Variants in SPG7 observed in about 807,000 individuals in gnomAD.
The protein encoded by SPG7 is SPG7 matrix AAA peptidase subunit, paraplegin.
SPG7 carries 103 observed loss-of-function variants against 81.9 expected under a neutral mutation model. The observed-to-expected ratio is 1.26, with a 90% CI of 1.07 to 1.48. The LOEUF (loss-of-function observed/expected upper bound fraction) is 1.48. Ranked by LOEUF, SPG7 falls within the 40% of genes most tolerant of loss-of-function variation. SPG7 has a pLI of 0.00. For synonymous variants in SPG7, 534 were observed against 444.2 expected, an observed-to-expected ratio of 1.20 and a Z score of -2.54; for missense variants, 1,241 against 1,087.3, an observed-to-expected ratio of 1.14 and a Z score of -1.99.
At chr16:89,549,888 A>C (rs543507019) in intron 12 of SPG7, 1 of 173,406 alleles carries the variant, frequency 5.8e-6, no homozygotes, top group East Asian at 1.5e-4. Flanking sequence ...ACCCTGTGGC[A>C]CCCCCCCAAC....
intron 3 of SPG7, chr16:89,517,555 T>G (rs933506501): frequency 1.3e-5 from 2 of 151,778 alleles, no homozygotes; most frequent in Non-Finnish European, 2.9e-5. Context: ...CATCTGCTTA[T>G]GGATGAGGCT....
chr16:89,515,023 G>A (rs1192417293), intron 3 of SPG7, among the ~76,000 whole-genome samples: 9 of 144,320 alleles, frequency 6.2e-5, no homozygotes, highest in Non-Finnish European at 1.1e-4. Context: ...TGCAAGCTCC[G>A]TCTCCCAGGT....
At chr16:89,511,205 G>C (rs191149913) in intron 2 of SPG7, among the ~76,000 whole-genome samples, 2 of 152,094 alleles carry the variant, frequency 1.3e-5, no homozygotes, top group African/African-American at 2.4e-5. Flanking sequence ...AAGGTTTTTC[G>C]TGTTATCTAG....
intron 1 of SPG7, among the ~76,000 whole-genome samples, chr16:89,509,645 A>G (rs1489843481): frequency 6.6e-6 from 1 of 152,200 alleles, no homozygotes; most frequent in Admixed American, 6.5e-5. Context: ...ATGTTCTACA[A>G]GGAGCCACTC....
Position 89,532,477 on chromosome 16 carries a change from C to A in SPG7, c.1165C>A (p.Arg389Ser), listed in dbSNP as rs748685625. The change falls in exon 9 of 17, where the codon CGT becomes AGT. Residue 389 changes from arginine (R) to serine (S), a missense_variant. Coordinates refer to ENST00000645818, the MANE Select transcript of SPG7 (RefSeq NM_003119.4). Reference protein sequence around the residue: ...VEVIGGLGAARVRSLFKEARA... With the variant: ...VEVIGGLGAASVRSLFKEARA... The stretch of plus-strand genomic sequence containing the variant: ...TGTCCCCTCAGGCCTCGGCGCTGCC[C>A]GTGTGCGGAGCCTCTTTAAGGAAGC... The A allele has an allele frequency of 6.2e-7, 1 of 1,613,370 alleles. No individual in the cohort carries two copies.
intron 3 of SPG7, chr16:89,521,723 C>T (rs1445137448): frequency 6.6e-6 from 1 of 152,172 alleles, no homozygotes; most frequent in Non-Finnish European, 1.5e-5. Flanking sequence ...GTGGGTTTCT[C>T]CTGCAGTGCA....
At chr16:89,540,837 G>A (rs1362424253) in intron 9 of SPG7, 4 of 935,448 alleles carry the variant, frequency 4.3e-6, no homozygotes, top group Non-Finnish European at 5.1e-6. Flanking sequence ...AGGCTCACAC[G>A]AAATGCCTGG....
At position 89,526,326 on chromosome 16, in the gene SPG7, C is replaced by A; in HGVS notation, c.619-3C>A. The A allele has an allele frequency of 1.2e-6, 2 of 1,614,072 alleles. No individual in the cohort carries two copies. Among genetic ancestry groups the A allele is most frequent in the Non-Finnish European group, 1.7e-6 (2 of 1,179,992 alleles). On this transcript the variant is annotated splice_polypyrimidine_tract_variant and splice_region_variant and intron_variant, in intron 4 of 16. Transcript: ENST00000645818. ...ATGGTCCCCTCTCCTTTCTGCCCCCCAGCGGCTAGCCTTGATGTACCGAAT... is the reference window on the plus strand; with the variant it reads ...ATGGTCCCCTCTCCTTTCTGCCCCCAAGCGGCTAGCCTTGATGTACCGAAT...
At chr16:89,554,377 C>G (rs1019736882) in intron 15 of SPG7, 109 bp from the exon 16 acceptor site, 1 of 782,524 alleles carries the variant, frequency 1.3e-6, no homozygotes, top group Non-Finnish European at 2.2e-6. Flanking sequence ...AGTCCTGTTC[C>G]TCCTGGGAGG....
At chr16:89,553,654 T>A in intron 14 of SPG7, 140 bp from the exon 15 acceptor site, 1 of 763,682 alleles carries the variant, frequency 1.3e-6, no homozygotes, top group East Asian at 2.6e-5. Context: ...ACGTCCTCAC[T>A]GTCCAGCTTC....
intron 3 of SPG7, chr16:89,523,468 T>C: frequency 2.9e-6 from 1 of 342,794 alleles, no homozygotes; most frequent in South Asian, 2.2e-5. Context: ...CTTTTGTGTA[T>C]GTTTTGATAT....
chr16:89,530,556 G>A (rs1165772211), intron 6 of SPG7, 127 bp from the exon 7 acceptor site: 17 of 1,040,630 alleles, frequency 1.6e-5, no homozygotes, highest in Non-Finnish European at 6.1e-6. Flanking sequence ...TGACATGAGT[G>A]AAGCCTTGGG....
Position 89,536,533 on chromosome 16 carries a change from T to C in SPG7, c.1324+3897T>C, listed in dbSNP as rs1391004305. ...GGCGGGTGAGGTCAGGTGAGGCGGG[T>C]GAGGTCAGGTGAGGCAGGTGAGGTG... is the stretch of plus-strand genomic sequence containing the variant. On this transcript the variant is annotated intron_variant, in intron 9 of 16. Transcript: ENST00000645818. Among the ~76,000 whole-genome samples the C allele has an allele frequency of 1.0e-3, 94 of 94,428 alleles. 1 individual carries two copies. The highest frequency in any genetic ancestry group is 7.7e-3 in the Middle Eastern group (1 of 130). 61.9% of individuals were successfully genotyped at this position (94,428 alleles called of 152,430 possible). A position where few individuals can be genotyped will look rare whatever the true frequency, so the allele number is the denominator to read the frequency against.
In SPG7 at chr16:89,512,919, T is replaced by C. The variant is rs559748086; in HGVS notation, c.287-29T>C. ...CCTCCCCTGTGGTTGCAAAACTTAATTGTTAAATCCTTTCTCTATTTCTCA... is the reference window on the plus strand; with the variant it reads ...CCTCCCCTGTGGTTGCAAAACTTAACTGTTAAATCCTTTCTCTATTTCTCA... On this transcript the variant is annotated intron_variant, in intron 2 of 16. Transcript: ENST00000645818. 5 of 1,610,668 alleles carry C rather than the reference T, an allele frequency of 3.1e-6. No individual in the cohort carries two copies. The African/African-American group carries it at 4.0e-5, about 13-fold the overall frequency.
At chr16:89,508,737 T>C (rs1407707768) in intron 1 of SPG7, 137 bp downstream of exon 1, 1 of 963,348 alleles carries the variant, frequency 1.0e-6, no homozygotes, top group East Asian at 2.6e-5. Flanking sequence ...ATCCCCCAGC[T>C]GTGGACCTCG....
intron 3 of SPG7, chr16:89,520,930 T>G (rs1352843682): frequency 6.6e-6 from 1 of 152,244 alleles, no homozygotes; most frequent in Non-Finnish European, 1.5e-5. Flanking sequence ...TCTATGGCGC[T>G]TGATACATCT....
chr16:89,542,941 C>CTTTTTTTTTT (rs60645680), intron 9 of SPG7: 1 of 84,652 alleles, frequency 1.2e-5, no homozygotes, highest in East Asian at 3.2e-4. Flanking sequence ...AGATCCTGTT[C>CTTTTTTTTTT]TTTTTTTTTT....
chr16:89,553,959 A>C lies in SPG7; in HGVS notation c.2102A>C (p.His701Pro), dbSNP rs372180825. The C allele has an allele frequency of 9.9e-6, 16 of 1,610,776 alleles. No homozygotes were observed. The highest frequency in any genetic ancestry group is 1.2e-5 in the Non-Finnish European group (14 of 1,179,966). The change falls in exon 15 of 17, where the codon CAT becomes CCT. Residue 701 changes from histidine to proline, a missense_variant and splice_region_variant. By Grantham distance (77) the His-to-Pro change is moderately conservative. Coordinates refer to ENST00000645818, the MANE Select transcript of SPG7 (RefSeq NM_003119.4). ...CAAGGCCTGCAGCAGATGATGGACC[A>C]TGTGAGTCGGCTCTGGCCACACCGC... is the stretch of plus-strand genomic sequence containing the variant. ...FSQGLQQMMD[H>P]EARLLVAKAY...
At chr16:89,510,694 C>G (rs959641628) in intron 2 of SPG7, 102 bp downstream of exon 2, 6 of 759,682 alleles carry the variant, frequency 7.9e-6, no homozygotes, top group African/African-American at 1.7e-5. Context: ...GGATCTCGCC[C>G]TGTTGCACGG....
Sources: allele counts gnomAD v4.1 joint callset (sites outside exome capture counted in the v4.1 genomes callset), GRCh38; gene constraint gnomAD v4.1.1; transcripts MANE v1.5; gene names NCBI Gene and HGNC (gene_info 2026-07-23, HGNC 2026-07-21).